Variants in CHMP4C observed in about 807,000 individuals in gnomAD.
CHMP4C encodes SNF7 homolog associated with Alix 3.
CHMP4C carries 28 observed loss-of-function variants against 29.0 expected under a neutral mutation model. The observed-to-expected ratio is 0.97, with a 90% CI of 0.72 to 1.32. The LOEUF (loss-of-function observed/expected upper bound fraction) is 1.32. Ranked by LOEUF, CHMP4C falls within the 40% of genes most tolerant of loss-of-function variation. CHMP4C has a pLI of 0.00. For synonymous variants in CHMP4C, 106 were observed against 102.4 expected (o/e 1.04, Z -0.21); for missense variants, 291 against 281.0 (o/e 1.04, Z -0.25).
intron 1 of CHMP4C, among the ~76,000 whole-genome samples, chr8:81,742,958 T>C (rs890310747): frequency 1.3e-5 from 2 of 152,132 alleles, no homozygotes; most frequent in African/African-American, 2.4e-5. Flanking sequence ...AATAGTATAG[T>C]TCATCATCAA....
intron 1 of CHMP4C, among the ~76,000 whole-genome samples, chr8:81,747,516 G>A (rs1808842688): frequency 6.6e-6 from 1 of 152,122 alleles, no homozygotes; most frequent in South Asian, 2.1e-4. Flanking sequence ...AGGATACTCT[G>A]CTGAATAGTA....
At chr8:81,735,336 G>A (rs1232031446) in intron 1 of CHMP4C, among the ~76,000 whole-genome samples, 1 of 152,152 alleles carries the variant, frequency 6.6e-6, no homozygotes, top group Non-Finnish European at 1.5e-5. Flanking sequence ...CTAAGCTATG[G>A]AAAGAATTCA....
chr8:81,750,620 T>C (rs866569527), intron 1 of CHMP4C, among the ~76,000 whole-genome samples: 7 of 151,542 alleles, frequency 4.6e-5, no homozygotes, highest in Admixed American at 2.0e-4. Flanking sequence ...AAAAAATATA[T>C]AGGACAAAGC....
chr8:81,748,686 C>T (rs1295203448), intron 1 of CHMP4C, among the ~76,000 whole-genome samples: 2 of 151,874 alleles, frequency 1.3e-5, no homozygotes, highest in Admixed American at 1.3e-4. Flanking sequence ...ACCTGTAATC[C>T]CAGCAGGCCG....
chr8:81,749,989 G>A (rs1157754575), intron 1 of CHMP4C, among the ~76,000 whole-genome samples: 2 of 152,188 alleles, frequency 1.3e-5, no homozygotes, highest in Admixed American at 1.3e-4. Flanking sequence ...GAATTTCTAA[G>A]TGGCAAAGTG....
Position 81,758,515 on chromosome 8 carries a change from A to T in CHMP4C, c.673A>T (p.Ile225Phe). The stretch of plus-strand genomic sequence containing the variant: ...GAGGGCAGAAGAAGAGGATGATGAT[A>T]TCAAACAATTGGCAGCTTGGGCTAC... Reference protein sequence around the residue: ...SQRAEEEDDDIKQLAAWAT With the variant: ...SQRAEEEDDDFKQLAAWAT The change falls in exon 5 of 5, where the codon ATC becomes TTC. Residue 225 changes from isoleucine (I) to phenylalanine (F), a missense_variant. Coordinates refer to ENST00000297265, the MANE Select transcript of CHMP4C (RefSeq NM_152284.4). The T allele has an allele frequency of 6.2e-7, 1 of 1,613,338 alleles. No homozygotes were observed. Among genetic ancestry groups the T allele is most frequent in the Non-Finnish European group, 8.5e-7 (1 of 1,179,312 alleles).
chr8:81,737,786 A>T (rs1808712773), intron 1 of CHMP4C, among the ~76,000 whole-genome samples: 1 of 152,252 alleles, frequency 6.6e-6, no homozygotes, highest in Non-Finnish European at 1.5e-5. Flanking sequence ...TGGGTAAAGC[A>T]TTCAGTGCAG....
Position 81,746,461 on chromosome 8 carries a change from G to A in CHMP4C, c.191-6603G>A, listed in dbSNP as rs77020042. Among the ~76,000 whole-genome samples the A allele has an allele frequency of 9.6e-3, 1,461 of 152,196 alleles. 18 individuals are homozygous for A. Among genetic ancestry groups the A allele is most frequent in the African/African-American group, 0.033 (1,376 of 41,518 alleles). ...CTTCCTCTTGACTCCCTTATACTGA[G>A]GCCAGTGTCTGTTGCTCTGTATTGC... On this transcript the variant is annotated intron_variant, in intron 1 of 4. Coordinates refer to ENST00000297265, the MANE Select transcript of CHMP4C (RefSeq NM_152284.4).
Position 81,755,461 on chromosome 8 carries a change from G to A in CHMP4C, c.460G>A (p.Gly154Ser). ...CTCAGAAGCATTTTCTCAACGGGTT[G>A]GCTTTGGTGATGACTTTGATGAGGT... is the stretch of plus-strand genomic sequence containing the variant. The part of the protein sequence containing the change: ...EISEAFSQRV[G>S]FGDDFDEDEL... Residue 154 changes from glycine (G) to serine (S), a missense_variant, in exon 3 of 5, where the codon GGC becomes AGC. By Grantham distance (56) the Gly-to-Ser change is moderately conservative (BLOSUM62 0). Transcript: ENST00000297265. 1 of 1,611,226 alleles carries A rather than the reference G, an allele frequency of 6.2e-7. No homozygotes were observed. The highest frequency in any genetic ancestry group is 8.5e-7 in the Non-Finnish European group (1 of 1,177,878).
intron 1 of CHMP4C, among the ~76,000 whole-genome samples, chr8:81,736,692 A>T (rs770516029): frequency 6.6e-6 from 1 of 152,132 alleles, no homozygotes; most frequent in Non-Finnish European, 1.5e-5. Context: ...GCCAGGGAAC[A>T]TTGCTGTCTT....
At chr8:81,746,828 G>C (rs1420339764) in intron 1 of CHMP4C, among the ~76,000 whole-genome samples, 3 of 152,204 alleles carry the variant, frequency 2.0e-5, no homozygotes, top group Admixed American at 6.5e-5. Flanking sequence ...GTAAGGTTCA[G>C]TGTCATACCA....
intron 1 of CHMP4C, among the ~76,000 whole-genome samples, chr8:81,742,990 A>C (rs1303133134): frequency 6.6e-6 from 1 of 152,124 alleles, no homozygotes; most frequent in African/African-American, 2.4e-5. Flanking sequence ...ATCTATTCTT[A>C]AAGAATTTCA....
chr8:81,734,390 G>A (rs1001258840), intron 1 of CHMP4C, among the ~76,000 whole-genome samples: 19 of 152,286 alleles, frequency 1.2e-4, no homozygotes, highest in African/African-American at 4.3e-4. Flanking sequence ...GAGTGCAATG[G>A]CGCGATCTTG....
intron 1 of CHMP4C, among the ~76,000 whole-genome samples, chr8:81,733,454 T>A (rs1040890118): frequency 2.0e-5 from 3 of 152,132 alleles, no homozygotes; most frequent in African/African-American, 7.2e-5. Context: ...AAAAGGATAT[T>A]CTAGTACGTT....
Position 81,758,700 on chromosome 8 carries a change from C to T in CHMP4C, c.*156C>T. ...TCCTAAGTAAAAGTAAAAAAGGAGT[C>T]ATGTGCATACATAGAATCAGTGATG... On this transcript the variant is annotated 3_prime_UTR_variant, in exon 5 of 5. Transcript: ENST00000297265. 1 of 615,918 alleles carries T rather than the reference C, an allele frequency of 1.6e-6. No individual in the cohort carries two copies. Among genetic ancestry groups the T allele is most frequent in the Non-Finnish European group, 2.8e-6 (1 of 351,128 alleles). The allele number at this position is 615,918 out of a possible 1,614,324, so 38.2% of individuals were successfully genotyped here. A position where few individuals can be genotyped will look rare whatever the true frequency, so the allele number is the denominator to read the frequency against.
At chr8:81,746,464 C>T (rs1808824079) in intron 1 of CHMP4C, among the ~76,000 whole-genome samples, 1 of 152,170 alleles carries the variant, frequency 6.6e-6, no homozygotes, top group Non-Finnish European at 1.5e-5. Flanking sequence ...ATACTGAGGC[C>T]AGTGTCTGTT....
chr8:81,757,971 A>AT (rs967329027), intron 3 of CHMP4C, among the ~76,000 whole-genome samples, 171 bp from the exon 4 acceptor site: 3 of 152,184 alleles, frequency 2.0e-5, no homozygotes, highest in Non-Finnish European at 2.9e-5. Flanking sequence ...CAGAATATTC[A>AT]TTTTTTAATC....
intron 1 of CHMP4C, among the ~76,000 whole-genome samples, chr8:81,734,250 G>A (rs746175135): frequency 6.6e-6 from 1 of 152,142 alleles, no homozygotes; most frequent in Non-Finnish European, 1.5e-5. Flanking sequence ...CTTAGTGTCT[G>A]TCAAGGGTTT....
chr8:81,733,736 T>G (rs766185689), intron 1 of CHMP4C, among the ~76,000 whole-genome samples: 19 of 152,082 alleles, frequency 1.2e-4, no homozygotes, highest in Non-Finnish European at 1.5e-4. Flanking sequence ...AAAAACTCAG[T>G]GAGAAGTTGA....
Sources: gnomAD v4.1 joint callset for allele counts (sites outside exome capture counted in the v4.1 genomes callset) on GRCh38, gnomAD v4.1.1 for gene constraint, MANE v1.5 for transcripts, NCBI Gene and HGNC (gene_info 2026-07-23, HGNC 2026-07-21) for gene names.